The following CNTNAP2 variants were observed in gnomAD, a reference collection of about 807,000 sequenced individuals.
CNTNAP2 encodes contactin-associated protein-like 2.
CNTNAP2 carries 98 observed loss-of-function variants against 155.2 expected under a neutral mutation model. The ratio of observed to expected loss-of-function variants is 0.63; its 90% confidence interval spans 0.54 to 0.75. The LOEUF is 0.75. CNTNAP2 is among the 30% of genes least tolerant of loss of function. CNTNAP2 has a pLI of 0.00. For synonymous variants in CNTNAP2, 651 were observed against 631.2 expected (o/e 1.03, Z -0.47); for missense variants, 1,727 against 1,688.1 (o/e 1.02, Z -0.40).
At chr7:147,456,550 T>C (rs1797921219) in intron 10 of CNTNAP2, among the ~76,000 whole-genome samples, 1 of 152,120 alleles carries the variant, frequency 6.6e-6, no homozygotes, top group Non-Finnish European at 1.5e-5. Flanking sequence ...GCAAGTGTGA[T>C]GTGTGCCTAG....
intron 1 of CNTNAP2, among the ~76,000 whole-genome samples, chr7:146,751,450 C>A (rs1801901986): frequency 6.6e-6 from 1 of 152,140 alleles, no homozygotes; most frequent in Non-Finnish European, 1.5e-5. Context: ...CTGACTGAGT[C>A]TGGCACATTT....
chr7:146,918,154 T>C (rs1280306050), intron 3 of CNTNAP2, among the ~76,000 whole-genome samples: 1 of 152,204 alleles, frequency 6.6e-6, no homozygotes, highest in Non-Finnish European at 1.5e-5. Context: ...ATCTTTAAAG[T>C]GGAGCATTTA....
At chr7:146,437,359 A>G (rs1796258669) in intron 1 of CNTNAP2, among the ~76,000 whole-genome samples, 1 of 151,518 alleles carries the variant, frequency 6.6e-6, no homozygotes, top group Non-Finnish European at 1.5e-5. Flanking sequence ...AGCATAGCTC[A>G]TGTATGTATG....
intron 4 of CNTNAP2, among the ~76,000 whole-genome samples, chr7:147,045,886 A>G (rs1799347870): frequency 6.6e-6 from 1 of 152,054 alleles, no homozygotes; most frequent in African/African-American, 2.4e-5. Context: ...GCATATATAT[A>G]TATATAATCC....
chr7:147,104,628 C>T (rs1469892757), intron 4 of CNTNAP2, among the ~76,000 whole-genome samples: 2 of 151,022 alleles, frequency 1.3e-5, no homozygotes, highest in East Asian at 1.9e-4. Flanking sequence ...TGTTGATATG[C>T]TATATTTACA....
chr7:148,118,012 T>C, intron 15 of CNTNAP2, 106 bp from the exon 16 acceptor site: 1 of 1,213,204 alleles, frequency 8.2e-7, no homozygotes, highest in South Asian at 1.2e-5. Flanking sequence ...GAGAAAATAA[T>C]GACTATTGCT....
intron 15 of CNTNAP2, among the ~76,000 whole-genome samples, chr7:148,112,189 C>T (rs777273040): frequency 5.9e-5 from 9 of 151,568 alleles, no homozygotes; most frequent in South Asian, 4.2e-4. Flanking sequence ...GGAGAGAATT[C>T]GTGGCAGATA....
chr7:146,981,516 C>T (rs950007844), intron 3 of CNTNAP2, among the ~76,000 whole-genome samples: 7 of 152,254 alleles, frequency 4.6e-5, no homozygotes, highest in South Asian at 2.1e-4. Context: ...TGGTGTGATA[C>T]GTAGCCCATT....
rs1003107642 is a variant in CNTNAP2 at position 148,127,516 on chromosome 7, G to T, written c.2554+9228G>T. On this transcript the variant is annotated intron_variant, in intron 16 of 23. Coordinates refer to ENST00000361727, the MANE Select transcript of CNTNAP2 (RefSeq NM_014141.6). ...AGCAGACATATCTCCACAAAAATGTGCAGGCAGCGGCCTAATGTCCTACTA... is the reference window on the plus strand; with the variant it reads ...AGCAGACATATCTCCACAAAAATGTTCAGGCAGCGGCCTAATGTCCTACTA... Among the ~76,000 whole-genome samples the T allele has an allele frequency of 2.8e-4, 42 of 152,156 alleles. 1 individual carries two copies. The highest frequency in any genetic ancestry group is 2.7e-3 in the Admixed American group (42 of 15,280).
chr7:146,255,039 G>A (rs568922515), intron 1 of CNTNAP2, among the ~76,000 whole-genome samples: 20 of 152,216 alleles, frequency 1.3e-4, no homozygotes, highest in South Asian at 4.1e-4. Flanking sequence ...TGAGACTCAA[G>A]GGAGACTGTT....
intron 14 of CNTNAP2, among the ~76,000 whole-genome samples, chr7:147,917,438 T>C (rs531713124): frequency 6.6e-6 from 1 of 152,336 alleles, no homozygotes; most frequent in African/African-American, 2.4e-5. Flanking sequence ...TCTGGTGTTA[T>C]TCAGATTTGA....
chr7:148,257,577 G>A (rs967358208), intron 20 of CNTNAP2, among the ~76,000 whole-genome samples: 18 of 152,140 alleles, frequency 1.2e-4, no homozygotes, highest in Non-Finnish European at 2.6e-4. Flanking sequence ...AGGGATGGCC[G>A]CAGGGCTTGG....
At chr7:146,803,755 A>G (rs1354880366) in intron 2 of CNTNAP2, among the ~76,000 whole-genome samples, 2 of 152,268 alleles carry the variant, frequency 1.3e-5, no homozygotes, top group Admixed American at 1.3e-4. Context: ...CCCTGCATGC[A>G]TGATACAATA....
intron 1 of CNTNAP2, among the ~76,000 whole-genome samples, chr7:146,620,263 G>A (rs926946109): frequency 2.0e-5 from 3 of 152,190 alleles, no homozygotes; most frequent in Admixed American, 6.5e-5. Context: ...GACACCTGCC[G>A]AATCATGCCA....
At chr7:147,557,536 G>T (rs1799974741) in intron 11 of CNTNAP2, among the ~76,000 whole-genome samples, 2 of 152,054 alleles carry the variant, frequency 1.3e-5, no homozygotes, top group Non-Finnish European at 2.9e-5. Context: ...ATCGACAATG[G>T]TTCAGACCCT....
intron 2 of CNTNAP2, among the ~76,000 whole-genome samples, chr7:146,829,558 G>A (rs79856572): frequency 0.024 from 3,621 of 151,966 alleles, 163 homozygotes; most frequent in African/African-American, 0.084. Context: ...ATGTTAAGTC[G>A]AAAAGTATTT....
chr7:147,932,134 C>T (rs1393202211), intron 14 of CNTNAP2, among the ~76,000 whole-genome samples: 1 of 152,136 alleles, frequency 6.6e-6, no homozygotes, highest in Admixed American at 6.5e-5. Context: ...GATCCACCCA[C>T]CTTGGCCTTC....
At chr7:148,311,070 T>C (rs1344744372) in intron 21 of CNTNAP2, among the ~76,000 whole-genome samples, 1 of 151,974 alleles carries the variant, frequency 6.6e-6, no homozygotes, top group Non-Finnish European at 1.5e-5. Flanking sequence ...GAATAGTAGT[T>C]TGTGTTGTGA....
chr7:146,438,166 G>A lies in CNTNAP2; in HGVS notation c.97+321193G>A, dbSNP rs571681464. Among the ~76,000 whole-genome samples the A allele has an allele frequency of 6.6e-5, 10 of 151,420 alleles. No individual in the cohort carries two copies. The South Asian group carries it at 1.9e-3, about 28-fold the overall frequency. The stretch of plus-strand genomic sequence containing the variant: ...TATATCTTACTAGCAAGCCCGGAAT[G>A]CCTAGTATACATATGTGCAATTCGT... On this transcript the variant is annotated intron_variant, in intron 1 of 23. Transcript: ENST00000361727.
Sources: gnomAD v4.1 joint callset for allele counts (sites outside exome capture counted in the v4.1 genomes callset) on GRCh38, gnomAD v4.1.1 for gene constraint, MANE v1.5 for transcripts, NCBI Gene and HGNC (gene_info 2026-07-23, HGNC 2026-07-21) for gene names.